The following DPP6 variants were observed in gnomAD, a reference collection of about 807,000 sequenced individuals.
The protein encoded by DPP6 is dipeptidyl peptidase like 6.
In DPP6, 69 loss-of-function variants were observed where a neutral mutation model predicts 122.6. The ratio of observed to expected loss-of-function variants is 0.56; its 90% CI spans 0.46 to 0.69. The LOEUF (loss-of-function observed/expected upper bound fraction) is 0.69. DPP6 is among the 30% of genes least tolerant of loss of function. The pLI is 0.00. For synonymous variants in DPP6, 418 were observed against 433.1 expected, an observed-to-expected ratio of 0.97 and a Z score of 0.43; for missense variants, 928 against 1,116.9, an observed-to-expected ratio of 0.83 and a Z score of 2.41.
At chr7:154,469,535 T>C (rs1179243371) in intron 2 of DPP6, among the ~76,000 whole-genome samples, 1 of 152,188 alleles carries the variant, frequency 6.6e-6, no homozygotes, top group Non-Finnish European at 1.5e-5. Context: ...AATCTGCCAG[T>C]GGGACAGTTT....
chr7:154,634,798 T>G (rs564731376), intron 5 of DPP6, among the ~76,000 whole-genome samples: 1 of 152,128 alleles, frequency 6.6e-6, no homozygotes, highest in South Asian at 2.1e-4. Context: ...TTAAAAGATA[T>G]CCACAGAGCT....
chr7:153,992,118 C>G (rs1331558880), intron 1 of DPP6, among the ~76,000 whole-genome samples: 1 of 151,896 alleles, frequency 6.6e-6, no homozygotes, highest in African/African-American at 2.4e-5. Context: ...CAAAAGGCCC[C>G]ACCCCCCAAA....
chr7:154,889,227 G>T (rs991007323), intron 23 of DPP6, 45 bp from the exon 24 acceptor site: 4 of 1,593,760 alleles, frequency 2.5e-6, no homozygotes, highest in Non-Finnish European at 3.4e-6. Flanking sequence ...CTGGCTCCCT[G>T]CAGTGCAGCC....
At chr7:154,349,640 G>T (rs1327898508) in intron 1 of DPP6, among the ~76,000 whole-genome samples, 1 of 152,182 alleles carries the variant, frequency 6.6e-6, no homozygotes, top group African/African-American at 2.4e-5. Flanking sequence ...CCTGGAGATT[G>T]TTGTGAATTA....
In DPP6 at chr7:154,165,741, A is replaced by G. The variant is rs191526409; in HGVS notation, c.243+112678A>G. ...GTATCTCATTGTGGTTTTGATTTGC[A>G]TTTCTCTGATGGCCAGTGATGATGA... is the stretch of plus-strand genomic sequence containing the variant. On this transcript the variant is annotated intron_variant, in intron 1 of 25. Coordinates refer to ENST00000377770, the MANE Select transcript of DPP6 (RefSeq NM_130797.4). Among the ~76,000 whole-genome samples the G allele has an allele frequency of 1.4e-4, 21 of 152,166 alleles. No homozygotes were observed. The East Asian group carries it at 2.5e-3, about 18-fold the overall frequency.
At position 154,641,436 on chromosome 7, in the gene DPP6, C is replaced by A. The variant is rs549404435; in HGVS notation, c.680+3563C>A. On this transcript the variant is annotated intron_variant, in intron 6 of 25. Coordinates refer to ENST00000377770, the MANE Select transcript of DPP6 (RefSeq NM_130797.4). The stretch of plus-strand genomic sequence containing the variant: ...TCAGAATTTTAATAAAATAAGGAAT[C>A]TTCCATGGTGGAGTCAAGGATCTGT... Among the ~76,000 whole-genome samples the A allele has an allele frequency of 7.9e-5, 12 of 152,274 alleles. No individual in the cohort carries two copies. In the South Asian group the frequency reaches 2.5e-3, roughly 32 times the overall value.
the DPP6 span, among the ~76,000 whole-genome samples, chr7:153,876,404 T>TCA: frequency 8.0e-5 from 12 of 150,660 alleles, no homozygotes; most frequent in East Asian, 2.0e-4. Context: ...TGAAAACAAA[T>TCA]CACACACACA....
At chr7:154,742,920 G>T (rs1212931978) in intron 8 of DPP6, among the ~76,000 whole-genome samples, 2 of 152,184 alleles carry the variant, frequency 1.3e-5, no homozygotes, top group Non-Finnish European at 2.9e-5. Context: ...CCCCCAAAAT[G>T]TTTAGCAAGC....
chr7:154,409,415 C>G (rs775343054), intron 1 of DPP6, among the ~76,000 whole-genome samples: 4 of 152,182 alleles, frequency 2.6e-5, no homozygotes, highest in African/African-American at 4.8e-5. Flanking sequence ...GTCCCTAGAA[C>G]TGTGAGGAGG....
At position 154,287,884 on chromosome 7, in the gene DPP6, C is replaced by T. The variant is rs1250936487; in HGVS notation, c.244-158330C>T. ...CCCAAAAGCGGGATGATACTAGAGG[C>T]GATGGGGCAGGATCCATCCTGAATG... On this transcript the variant is annotated intron_variant, in intron 1 of 25. Coordinates refer to ENST00000377770, the MANE Select transcript of DPP6 (RefSeq NM_130797.4). 2.6e-5 allele frequency among the ~76,000 whole-genome samples: 4 copies of T among 152,104 alleles called. No homozygotes were observed. In the South Asian group the frequency reaches 6.2e-4, roughly 24 times the overall value.
intron 5 of DPP6, among the ~76,000 whole-genome samples, chr7:154,637,574 C>T (rs1835806351): frequency 6.6e-6 from 1 of 152,224 alleles, no homozygotes; most frequent in South Asian, 2.1e-4. Context: ...AATTTAATCA[C>T]ACACCAGGTA....
At position 154,640,846 on chromosome 7, in the gene DPP6, C is replaced by T. The variant is rs551870772; in HGVS notation, c.680+2973C>T. On this transcript the variant is annotated intron_variant, in intron 6 of 25. Transcript: ENST00000377770. ...AGAGATTTTCTTAATTTAGAAAACA[C>T]ATATCTGTACCTTTTTCACTAATTC... 2.0e-4 allele frequency among the ~76,000 whole-genome samples: 31 copies of T among 152,310 alleles called. No homozygotes were observed. The East Asian group carries it at 5.4e-3, about 27-fold the overall frequency.
chr7:154,344,374 C>T (rs1810209015), intron 1 of DPP6, among the ~76,000 whole-genome samples: 1 of 152,204 alleles, frequency 6.6e-6, no homozygotes, highest in South Asian at 2.1e-4. Context: ...GGTATCATCT[C>T]ACCCCAGCTA....
At chr7:154,577,760 G>A (rs1303976665) in intron 5 of DPP6, among the ~76,000 whole-genome samples, 1 of 152,168 alleles carries the variant, frequency 6.6e-6, no homozygotes, top group Non-Finnish European at 1.5e-5. Flanking sequence ...AAGTACTTCT[G>A]GAAGGACTGG....
intron 1 of DPP6, among the ~76,000 whole-genome samples, chr7:154,439,275 A>G (rs1819162106): frequency 1.3e-5 from 2 of 152,204 alleles, no homozygotes; most frequent in Admixed American, 1.3e-4. Context: ...CATTATCTAA[A>G]CATGCTTTAA....
At chr7:154,060,059 T>C (rs1431291379) in intron 1 of DPP6, among the ~76,000 whole-genome samples, 360 of 149,384 alleles carry the variant, frequency 2.4e-3, no homozygotes, top group Admixed American at 4.1e-3. Flanking sequence ...CCAACCCCTC[T>C]TCCCCCCCTG....
the DPP6 span, among the ~76,000 whole-genome samples, chr7:153,835,422 T>C: frequency 3.9e-5 from 6 of 152,146 alleles, no homozygotes; most frequent in African/African-American, 1.2e-4. Flanking sequence ...ATCTGTGTAT[T>C]TTTCGTTTCC....
chr7:153,968,154 C>T (rs1795849845), intron 1 of DPP6, among the ~76,000 whole-genome samples: 1 of 150,092 alleles, frequency 6.7e-6, no homozygotes, highest in Non-Finnish European at 1.5e-5. Context: ...CTGGGATTAT[C>T]ATACACTCCC....
At chr7:154,536,281 G>A (rs1298004375) in intron 3 of DPP6, among the ~76,000 whole-genome samples, 1 of 152,142 alleles carries the variant, frequency 6.6e-6, no homozygotes, top group Admixed American at 6.6e-5. Context: ...TGTTACCTGG[G>A]TCTATTGATG....
Sources: allele counts gnomAD v4.1 joint callset (sites outside exome capture counted in the v4.1 genomes callset), GRCh38; gene constraint gnomAD v4.1.1; transcripts MANE v1.5; gene names NCBI Gene and HGNC (gene_info 2026-07-23, HGNC 2026-07-21).